The following NAV3 variants were observed in gnomAD, a reference collection of about 807,000 sequenced individuals.
NAV3 encodes neuron navigator 3.
A neutral mutation model predicts 244.7 loss-of-function variants in NAV3; 87 were observed. The ratio of observed to expected loss-of-function variants is 0.36; its 90% CI spans 0.30 to 0.42. The LOEUF (loss-of-function observed/expected upper bound fraction) is 0.42. Among genes scored for constraint, NAV3 ranks in the 20% least tolerant of loss-of-function variants. The probability of loss-of-function intolerance (pLI) is 1.00; values close to 1 mark genes in which losing one functional copy is unlikely to be tolerated. For synonymous variants in NAV3, 1,126 were observed against 1,042.2 expected (o/e 1.08, Z -1.55); for missense variants, 2,663 against 2,893.3 (o/e 0.92, Z 1.83).
chr12:77,955,405 T>G (rs1891273190), intron 3 of NAV3, among the ~76,000 whole-genome samples: 1 of 152,154 alleles, frequency 6.6e-6, no homozygotes, highest in Non-Finnish European at 1.5e-5. Context: ...GTTAGGAACA[T>G]GGGCTCTGAG....
At chr12:78,068,340 A>G (rs1487289860) in intron 12 of NAV3, among the ~76,000 whole-genome samples, 1 of 151,510 alleles carries the variant, frequency 6.6e-6, no homozygotes, top group African/African-American at 2.4e-5. Context: ...GCCTGGATGA[A>G]ATATTTTGAC....
In NAV3 at chr12:77,945,329, G is replaced by C. The variant is rs927175606; in HGVS notation, c.414+4196G>C. The stretch of plus-strand genomic sequence containing the variant: ...AAGATTTGATATTGGAAAACAATAG[G>C]GATACATTTGTTTCTGTATCATGTC... On this transcript the variant is annotated intron_variant, in intron 3 of 39. Transcript: ENST00000397909. 3.9e-5 allele frequency among the ~76,000 whole-genome samples: 6 copies of C among 152,080 alleles called. No individual in the cohort carries two copies. The South Asian group carries it at 6.2e-4, about 16-fold the overall frequency.
At chr12:77,821,533 A>C (rs1872745064) in intron 2 of NAV3, among the ~76,000 whole-genome samples, 1 of 152,182 alleles carries the variant, frequency 6.6e-6, no homozygotes, top group African/African-American at 2.4e-5. Context: ...CAGTATTCCA[A>C]GTGATCCTAT....
intron 26 of NAV3, 143 bp from the exon 27 acceptor site, chr12:78,176,998 A>C (rs988270591): frequency 2.8e-6 from 2 of 719,680 alleles, no homozygotes; most frequent in African/African-American, 3.6e-5. Flanking sequence ...TTTTTTAGAG[A>C]TACTGTGCTG....
intron 1 of NAV3, among the ~76,000 whole-genome samples, chr12:77,934,237 G>A (rs1889103456): frequency 6.6e-6 from 1 of 152,144 alleles, no homozygotes; most frequent in South Asian, 2.1e-4. Flanking sequence ...GTGCCCGAAG[G>A]TAGGATTCCT....
chr12:78,030,819 A>G (rs761680511), intron 9 of NAV3, among the ~76,000 whole-genome samples: 11 of 152,236 alleles, frequency 7.2e-5, no homozygotes, highest in Non-Finnish European at 1.2e-4. Flanking sequence ...AGACATGCAT[A>G]TTGTAGAATT....
intron 5 of NAV3, among the ~76,000 whole-genome samples, chr12:77,987,047 C>A (rs7976539): frequency 0.33 from 50,279 of 151,912 alleles, 8,637 homozygotes; most frequent in African/African-American, 0.44. Context: ...TTATTTTAAC[C>A]TTTAAAATTG....
chr12:77,702,700 A>AC (rs1270749492), intron 2 of NAV3, among the ~76,000 whole-genome samples: 2 of 151,900 alleles, frequency 1.3e-5, no homozygotes, highest in South Asian at 4.2e-4. Flanking sequence ...TTTTCTACTT[A>AC]CCCCTGTTCT....
chr12:77,842,184 C>T (rs1164115923), intron 1 of NAV3, among the ~76,000 whole-genome samples: 1 of 152,158 alleles, frequency 6.6e-6, no homozygotes, highest in Non-Finnish European at 1.5e-5. Flanking sequence ...TAATGACACT[C>T]AAGTTACTAA....
At chr12:77,600,304 G>A (rs1008351740) in intron 2 of NAV3, among the ~76,000 whole-genome samples, 4 of 151,842 alleles carry the variant, frequency 2.6e-5, no homozygotes, top group African/African-American at 9.7e-5. Context: ...GATGTGCTAG[G>A]CTTAGGTCTG....
chr12:78,127,251 T>C (rs375527939), intron 17 of NAV3, 43 bp downstream of exon 17: 8 of 1,574,904 alleles, frequency 5.1e-6, no homozygotes, highest in Admixed American at 1.7e-5. Flanking sequence ...TCTGTTGTTA[T>C]GTAAACTTTG....
At chr12:77,616,123 T>G (rs1871134300) in intron 2 of NAV3, among the ~76,000 whole-genome samples, 1 of 152,110 alleles carries the variant, frequency 6.6e-6, no homozygotes, top group Admixed American at 6.6e-5. Flanking sequence ...GAAGTTAGTA[T>G]GAGGCCAGGC....
chr12:77,761,091 G>A (rs1383511558), intron 2 of NAV3, among the ~76,000 whole-genome samples: 4 of 152,086 alleles, frequency 2.6e-5, no homozygotes, highest in Non-Finnish European at 4.4e-5. Context: ...GGAGTCTCAT[G>A]CCATCATCCA....
intron 2 of NAV3, among the ~76,000 whole-genome samples, chr12:77,645,065 C>T (rs1202499295): frequency 6.6e-6 from 1 of 152,082 alleles, no homozygotes; most frequent in East Asian, 1.9e-4. Flanking sequence ...GTTTTGTTCA[C>T]TACAAGTTGG....
chr12:77,606,745 T>C (rs1332574136), intron 2 of NAV3, among the ~76,000 whole-genome samples: 1 of 152,140 alleles, frequency 6.6e-6, no homozygotes, highest in South Asian at 2.1e-4. Context: ...CATTTAGTTC[T>C]TTACATCACA....
At chr12:77,670,692 G>A (rs111387803) in intron 2 of NAV3, among the ~76,000 whole-genome samples, 90 of 152,134 alleles carry the variant, frequency 5.9e-4, no homozygotes, top group African/African-American at 2.1e-3. Flanking sequence ...AAAATCAGAC[G>A]ATCTTCTCAA....
chr12:78,082,788 C>G (rs757583413), intron 12 of NAV3, among the ~76,000 whole-genome samples: 86 of 152,260 alleles, frequency 5.6e-4, no homozygotes, highest in Middle Eastern at 3.4e-3. Flanking sequence ...AATTCATAAT[C>G]CACTGTTGGC....
chr12:78,029,582 C>T (rs1452410851), intron 9 of NAV3, among the ~76,000 whole-genome samples: 2 of 152,080 alleles, frequency 1.3e-5, no homozygotes, highest in Non-Finnish European at 2.9e-5. Context: ...CCTAAGGGGC[C>T]CACTTCCCAG....
intron 1 of NAV3, among the ~76,000 whole-genome samples, chr12:77,869,034 AAAACAAACAAACAAAC>A (rs368022962): frequency 1.7e-4 from 26 of 151,108 alleles, no homozygotes; most frequent in East Asian, 5.8e-4. Flanking sequence ...ATCGAGGTAA[AAAACAAACAAACAAAC>A]AAACAAACAA....
Sources: allele counts gnomAD v4.1 joint callset (sites outside exome capture counted in the v4.1 genomes callset), GRCh38; gene constraint gnomAD v4.1.1; transcripts MANE v1.5; gene names NCBI Gene and HGNC (gene_info 2026-07-23, HGNC 2026-07-21).